Variants in GARNL3 observed in about 807,000 individuals in gnomAD.
GARNL3 encodes GTPase-activating Rap/Ran-GAP domain-like protein 3.
A neutral mutation model predicts 125.0 loss-of-function variants in GARNL3; 63 were observed. That is an observed-to-expected ratio of 0.50 (90% CI 0.41 to 0.62). The LOEUF is 0.62. Among genes scored for constraint, GARNL3 ranks in the 20% least tolerant of loss-of-function variants. The pLI, the probability that GARNL3 is intolerant of heterozygous loss-of-function variation, is 0.00. For synonymous variants in GARNL3, 439 were observed against 457.5 expected (o/e 0.96, Z 0.52); for missense variants, 994 against 1,244.0 (o/e 0.80, Z 3.02).
At chr9:127,321,847 G>T (rs75241205) in intron 6 of GARNL3, among the ~76,000 whole-genome samples, 1 of 152,148 alleles carries the variant, frequency 6.6e-6, no homozygotes, top group Non-Finnish European at 1.5e-5. Flanking sequence ...AGGGAGCATC[G>T]TGCTCAAATT....
chr9:127,319,859 C>G (rs1450039544), intron 5 of GARNL3, among the ~76,000 whole-genome samples: 4 of 152,146 alleles, frequency 2.6e-5, no homozygotes, highest in Non-Finnish European at 5.9e-5. Flanking sequence ...AGTTTATGAG[C>G]AAGTCTTAGC....
intron 13 of GARNL3, among the ~76,000 whole-genome samples, chr9:127,340,902 T>G (rs1829827594): frequency 6.6e-6 from 1 of 152,194 alleles, no homozygotes; most frequent in Middle Eastern, 3.4e-3. Flanking sequence ...GTGCCAAGCA[T>G]GAGTGTCAGT....
At chr9:127,320,674 C>T (rs1588848730) in intron 5 of GARNL3, 41 bp from the exon 6 acceptor site, 2 of 1,453,898 alleles carry the variant, frequency 1.4e-6, no homozygotes. Flanking sequence ...TCCTTTTTAG[C>T]TTCTCTGATG....
rs761731543 is a variant in GARNL3, at chr9:127,333,056, A to G, written c.704A>G (p.Asn235Ser). 22 of 1,613,976 alleles carry G rather than the reference A, an allele frequency of 1.4e-5. No individual in the cohort carries two copies. Among genetic ancestry groups the G allele is most frequent in the Non-Finnish European group, 8.5e-7 (1 of 1,179,956 alleles). Reference protein sequence around the residue: ...IGSEPFQKFLNLLGDTITLKG... With the variant: ...IGSEPFQKFLSLLGDTITLKG... ...AGCGAGCCTTTTCAAAAATTTTTAA[A>G]TCTTCTGGGTGACACAATCACTCTA... is the stretch of plus-strand genomic sequence containing the variant. The change falls in exon 9 of 28, where the codon AAT becomes AGT. Residue 235 changes from asparagine (N) to serine (S), a missense_variant. Asn to Ser is a conservative substitution (Grantham distance 46). Transcript: ENST00000373387.
At chr9:127,355,597 C>T (rs1246350674) in intron 20 of GARNL3, 125 bp downstream of exon 20, 5 of 838,092 alleles carry the variant, frequency 6.0e-6, no homozygotes, top group East Asian at 4.9e-5. Context: ...TAGGGAAACC[C>T]TCATCTCTGG....
In GARNL3 at chr9:127,325,115, T is replaced by TA. The variant is rs765516261; in HGVS notation, c.594+21dup. 3.7e-6 allele frequency: 6 copies of TA among 1,607,394 alleles called. No homozygotes were observed. The South Asian group carries it at 6.6e-5, about 18-fold the overall frequency. On this transcript the variant is annotated intron_variant, in intron 7 of 27. Coordinates refer to ENST00000373387, the MANE Select transcript of GARNL3 (RefSeq NM_032293.5). ...CAAGAGGTGAGTAATTCTATGGAGA[T>TA]ATTTGCACCTGCTCTGCCTCCATGT...
intron 1 of GARNL3, among the ~76,000 whole-genome samples, chr9:127,226,737 C>T (rs2062920469): frequency 6.6e-6 from 1 of 152,170 alleles, no homozygotes; most frequent in Non-Finnish European, 1.5e-5. Flanking sequence ...CATAACACTG[C>T]GTGTAGTTAC....
intron 1 of GARNL3, among the ~76,000 whole-genome samples, chr9:127,233,839 T>C (rs2063063636): frequency 6.6e-6 from 1 of 152,230 alleles, no homozygotes; most frequent in Non-Finnish European, 1.5e-5. Context: ...TTATCCATTA[T>C]GCGTCGGGGT....
chr9:127,260,911 A>G (rs2063575479), upstream of GARNL3, among the ~76,000 whole-genome samples: 1 of 152,206 alleles, frequency 6.6e-6, no homozygotes, highest in Non-Finnish European at 1.5e-5. Context: ...TAAGGCAATA[A>G]AAGTTATTGC....
intron 18 of GARNL3, 34 bp downstream of exon 18, chr9:127,353,978 GA>G (rs1830545039): frequency 2.1e-6 from 3 of 1,429,962 alleles, no homozygotes; most frequent in Non-Finnish European, 2.0e-6. Context: ...TGCTGTGGAG[GA>G]AGGAAAACAG....
chr9:127,236,581 C>A (rs114208394), intron 1 of GARNL3, among the ~76,000 whole-genome samples: 1,657 of 152,330 alleles, frequency 0.011, 29 homozygotes, highest in African/African-American at 0.038. Context: ...CCCACCTCAG[C>A]CTCCTGAGTA....
At chr9:127,349,153 G>A (rs1194923602) in intron 17 of GARNL3, 118 bp downstream of exon 17, 1 of 725,416 alleles carries the variant, frequency 1.4e-6, no homozygotes, top group Non-Finnish European at 2.4e-6. Context: ...AGAGAGTTTA[G>A]CGAAGTTTTA....
intron 1 of GARNL3, among the ~76,000 whole-genome samples, chr9:127,224,898 C>A (rs1383023519): frequency 8.2e-4 from 30 of 36,406 alleles, no homozygotes; most frequent in African/African-American, 2.6e-3. Flanking sequence ...GGGGCGTTAC[C>A]GGAGCGCGGG....
chr9:127,287,958 A>G (rs1451214218), intron 1 of GARNL3, among the ~76,000 whole-genome samples: 2 of 152,214 alleles, frequency 1.3e-5, no homozygotes, highest in Non-Finnish European at 2.9e-5. Context: ...GGCCATTTGC[A>G]ATAGAAATTT....
intron 1 of GARNL3, among the ~76,000 whole-genome samples, chr9:127,272,745 C>T (rs2063854611): frequency 6.6e-6 from 1 of 152,146 alleles, no homozygotes; most frequent in African/African-American, 2.4e-5. Context: ...CCAGTCAACT[C>T]TTGTGGATAC....
At chr9:127,274,158 C>T (rs1296496728) in intron 1 of GARNL3, among the ~76,000 whole-genome samples, 1 of 152,164 alleles carries the variant, frequency 6.6e-6, no homozygotes, top group African/African-American at 2.4e-5. Context: ...GGTAGAATAA[C>T]TTTGATGCTT....
chr9:127,241,332 G>T (rs2063200837), intron 1 of GARNL3, among the ~76,000 whole-genome samples: 1 of 152,134 alleles, frequency 6.6e-6, no homozygotes, highest in African/African-American at 2.4e-5. Flanking sequence ...TCATCCTGAA[G>T]CCCTGATTTG....
At chr9:127,318,306 T>G (rs1432589975) in intron 5 of GARNL3, among the ~76,000 whole-genome samples, 179 bp downstream of exon 5, 1 of 152,170 alleles carries the variant, frequency 6.6e-6, no homozygotes, top group African/African-American at 2.4e-5. Flanking sequence ...AGCAACCCTG[T>G]AGGGCAGGTG....
chr9:127,285,678 T>C (rs886781636), intron 1 of GARNL3, among the ~76,000 whole-genome samples: 1 of 152,170 alleles, frequency 6.6e-6, no homozygotes, highest in African/African-American at 2.4e-5. Context: ...TATAGTGATA[T>C]GTTGTTACTC....
Sources: gnomAD v4.1 joint callset for allele counts (sites outside exome capture counted in the v4.1 genomes callset) on GRCh38, gnomAD v4.1.1 for gene constraint, MANE v1.5 for transcripts, NCBI Gene and HGNC (gene_info 2026-07-23, HGNC 2026-07-21) for gene names.